Variants in GTPBP8 observed in about 807,000 individuals in gnomAD.
GTPBP8 encodes GTP-binding protein 8.
A neutral mutation model predicts 27.3 loss-of-function variants in GTPBP8; 21 were observed. The observed-to-expected ratio is 0.77, with a 90% confidence interval of 0.55 to 1.11. The LOEUF is 1.11. Among genes scored for constraint, GTPBP8 ranks in the 50% least tolerant of loss-of-function variants. GTPBP8 has a pLI of 0.00. For synonymous variants in GTPBP8, 147 were observed against 135.3 expected, an observed-to-expected ratio of 1.09 and a Z score of -0.60; for missense variants, 380 against 350.8, an observed-to-expected ratio of 1.08 and a Z score of -0.67.
intron 1 of GTPBP8, chr3:112,991,717 TTTAAC>T (rs1933685257): frequency 1.5e-5 from 6 of 393,102 alleles, no homozygotes; most frequent in South Asian, 1.0e-4. Flanking sequence ...TTTTCTTCTA[TTTAAC>T]TTAAGTAGGG....
At chr3:113,000,694 G>A (rs971336165) in intron 5 of GTPBP8, among the ~76,000 whole-genome samples, 156 bp from the exon 6 acceptor site, 1 of 152,178 alleles carries the variant, frequency 6.6e-6, no homozygotes, top group Non-Finnish European at 1.5e-5. Context: ...AATACTACAA[G>A]ACGCGGCTGG....
At chr3:112,998,978 T>TA (rs1933840226) in intron 4 of GTPBP8, among the ~76,000 whole-genome samples, 1 of 152,226 alleles carries the variant, frequency 6.6e-6, no homozygotes, top group Non-Finnish European at 1.5e-5. Context: ...ATTCTGGACT[T>TA]ACTTGGAATA....
chr3:112,996,142 T>C (rs1933781675), intron 3 of GTPBP8, among the ~76,000 whole-genome samples: 1 of 152,178 alleles, frequency 6.6e-6, no homozygotes, highest in Non-Finnish European at 1.5e-5. Context: ...CTGTTATCTG[T>C]TAGTGTTAGG....
In GTPBP8 at chr3:112,991,097, T is replaced by C. The variant is rs773954148; in HGVS notation, c.98T>C (p.Phe33Ser). 5.6e-6 allele frequency: 9 copies of C among 1,614,008 alleles called. No homozygotes were observed. Among genetic ancestry groups the C allele is most frequent in the Non-Finnish European group, 6.8e-6 (8 of 1,180,000 alleles). The change falls in exon 1 of 6, where the codon TTT becomes TCT. Residue 33 changes from phenylalanine to serine, a missense_variant. Transcript: ENST00000383678. ...LSRYNSTSQA[F>S]AEVLRLPKQQ... is the part of the protein sequence containing the mutation. The stretch of plus-strand genomic sequence containing the variant: ...CGCTATAATAGCACGTCCCAAGCTT[T>C]TGCTGAGGTGCTGCGGCTGCCGAAG...
chr3:112,997,062 C>T, intron 4 of GTPBP8, 71 bp downstream of exon 4: 2 of 726,570 alleles, frequency 2.8e-6, no homozygotes, highest in Non-Finnish European at 4.8e-6. Flanking sequence ...TGAACATGCA[C>T]CTTTTAACAA....
chr3:113,000,198 G>A (rs1933865528), intron 5 of GTPBP8, among the ~76,000 whole-genome samples: 1 of 152,048 alleles, frequency 6.6e-6, no homozygotes, highest in East Asian at 1.9e-4. Context: ...AAACCAGCCT[G>A]GTCAACATGG....
Position 112,991,142 on chromosome 3 carries a change from T to G in GTPBP8, c.143T>G (p.Leu48Arg). Residue 48 changes from leucine to arginine, a missense_variant, in exon 1 of 6, where the codon CTG becomes CGG. Physicochemically the swap from Leu to Arg is moderately radical, Grantham distance 102. Transcript: ENST00000383678. ...CCGAAGCAGCAGCTGAGGAAGCTGC[T>G]GTACCCGCTGCAGGAAGTAGAGCGG... is the stretch of plus-strand genomic sequence containing the variant. ...RLPKQQLRKL[L>R]YPLQEVERFL... 1 of 1,614,036 alleles carries G rather than the reference T, an allele frequency of 6.2e-7. No homozygotes were observed. Among genetic ancestry groups the G allele is most frequent in the Non-Finnish European group, 8.5e-7 (1 of 1,180,034 alleles).
intron 2 of GTPBP8, among the ~76,000 whole-genome samples, chr3:112,994,280 A>C (rs7610084): frequency 0.013 from 2,035 of 152,208 alleles, 43 homozygotes; most frequent in South Asian, 0.076. Context: ...AAAATTAGCC[A>C]GGCGCGGTGG....
intron 1 of GTPBP8, chr3:112,991,648 C>A: frequency 1.8e-6 from 1 of 542,314 alleles, no homozygotes; most frequent in Admixed American, 2.5e-5. Context: ...TAGAAGACTT[C>A]AAAATGCTTT....
intron 1 of GTPBP8, 73 bp downstream of exon 1, chr3:112,991,408 C>G: frequency 2.2e-6 from 3 of 1,387,462 alleles, no homozygotes; most frequent in Non-Finnish European, 3.1e-6. Flanking sequence ...CCGTCCGGCT[C>G]GCGGGTGATT....
At chr3:112,996,043 T>C (rs1933779187) in intron 3 of GTPBP8, among the ~76,000 whole-genome samples, 1 of 152,032 alleles carries the variant, frequency 6.6e-6, no homozygotes, top group South Asian at 2.1e-4. Context: ...TCTTTTGAAA[T>C]GAAAAAAATG....
intron 4 of GTPBP8, among the ~76,000 whole-genome samples, chr3:112,998,101 T>C (rs1933821483): frequency 6.6e-6 from 1 of 152,198 alleles, no homozygotes; most frequent in African/African-American, 2.4e-5. Flanking sequence ...GGAAAAACAC[T>C]GGAACCATGT....
intron 1 of GTPBP8, chr3:112,991,828 T>G (rs1933687586): frequency 4.3e-6 from 1 of 232,822 alleles, no homozygotes; most frequent in South Asian, 4.7e-5. Context: ...AATAAGTAAC[T>G]TTCGCCTAAT....
In GTPBP8 at chr3:112,991,291, T is replaced by C. The variant is rs779668576; in HGVS notation, c.292T>C (p.Ser98Pro). ...TERNRIDYVS[S>P]AVRIDHAPDL... ...ACGGAACCGCATCGACTACGTCAGC[T>C]CCGCCGTCCGTATCGACCACGCCCC... The change falls in exon 1 of 6, where the codon TCC becomes CCC. Residue 98 changes from serine (S) to proline (P), a missense_variant. Physicochemically the swap from Ser to Pro is moderately conservative, Grantham distance 74. Coordinates refer to ENST00000383678, the MANE Select transcript of GTPBP8 (RefSeq NM_014170.4). 23 of 1,612,882 alleles carry C rather than the reference T, an allele frequency of 1.4e-5. No homozygotes were observed. The highest frequency in any genetic ancestry group is 3.3e-4 in the Middle Eastern group (2 of 6,080).
rs1933922372 is a variant in GTPBP8 at position 113,001,930 on chromosome 3, T to G, written c.*1011T>G. ...AGTGAAGCTTAATATTAAAAGGTTA[T>G]AGCTGTATTGCTGGATAACAAATTA... On this transcript the variant is annotated 3_prime_UTR_variant, in exon 6 of 6. Transcript: ENST00000383678. The G allele has an allele frequency of 6.6e-6, 1 of 152,234 alleles. No individual in the cohort carries two copies. The highest frequency in any genetic ancestry group is 1.5e-5 in the Non-Finnish European group (1 of 68,034). 9.4% of individuals were successfully genotyped at this position (152,234 alleles called of 1,614,324 possible).
chr3:113,000,840 C>T lies in GTPBP8; in HGVS notation c.786-10C>T, dbSNP rs1933890059. On this transcript the variant is annotated splice_polypyrimidine_tract_variant and intron_variant, in intron 5 of 5. Coordinates refer to ENST00000383678, the MANE Select transcript of GTPBP8 (RefSeq NM_014170.4). Reference sequence around the variant, plus strand: ...AAAGGAAGAAAATTATTTCTCTTTTCTTTTCACAGTGCTGTGACCTTTTCT... The same window carrying T: ...AAAGGAAGAAAATTATTTCTCTTTTTTTTTCACAGTGCTGTGACCTTTTCT... 1.9e-6 allele frequency: 3 copies of T among 1,538,754 alleles called. No homozygotes were observed. The highest frequency in any genetic ancestry group is 3.5e-5 in the Admixed American group (2 of 56,466).
chr3:112,992,964 AC>A, intron 1 of GTPBP8, 61 bp from the exon 2 acceptor site: 1 of 828,762 alleles, frequency 1.2e-6, no homozygotes, highest in South Asian at 1.6e-5. Context: ...GAAGTTTTTT[AC>A]ATCTAATGCA....
intron 4 of GTPBP8, 135 bp from the exon 5 acceptor site, chr3:112,999,311 T>C (rs1933845906): frequency 4.1e-6 from 2 of 490,470 alleles, no homozygotes; most frequent in Non-Finnish European, 7.4e-6. Context: ...TTATTTTTAT[T>C]TTATAGATGA....
chr3:112,995,039 T>A, intron 2 of GTPBP8, 96 bp from the exon 3 acceptor site: 1 of 943,494 alleles, frequency 1.1e-6, no homozygotes, highest in Non-Finnish European at 1.6e-6. Flanking sequence ...TGGCTTTTAA[T>A]AAATATTTGT....
Sources: gnomAD v4.1 joint callset for allele counts (sites outside exome capture counted in the v4.1 genomes callset) on GRCh38, gnomAD v4.1.1 for gene constraint, MANE v1.5 for transcripts, NCBI Gene and HGNC (gene_info 2026-07-23, HGNC 2026-07-21) for gene names.